ZNF423: variants seen among roughly 807,000 people sequenced by gnomAD.
ZNF423 encodes Ebf-associated zinc finger protein.
Under a neutral mutation model 95.8 loss-of-function variants are expected in ZNF423, and 12 were observed. The observed-to-expected ratio is 0.13, with a 90% CI of 0.08 to 0.20. ZNF423 has a LOEUF of 0.20. Among genes scored for constraint, ZNF423 ranks in the 10% least tolerant of loss-of-function variants. The pLI, the probability that ZNF423 is intolerant of heterozygous loss-of-function variation, is 1.00. For synonymous variants in ZNF423, 749 were observed against 711.9 expected (o/e 1.05, Z -0.83); for missense variants, 1,316 against 1,737.1 (o/e 0.76, Z 4.31).
At chr16:49,799,152 C>A (rs1196381536) in intron 1 of ZNF423, among the ~76,000 whole-genome samples, 1 of 152,134 alleles carries the variant, frequency 6.6e-6, no homozygotes, top group African/African-American at 2.4e-5. Context: ...ACTCGATCCA[C>A]CCTGATCTTC....
chr16:49,734,285 C>A (rs2033235121), intron 2 of ZNF423, among the ~76,000 whole-genome samples: 1 of 152,262 alleles, frequency 6.6e-6, no homozygotes, highest in Admixed American at 6.5e-5. Context: ...GGCCCCTCAA[C>A]TGGTCCCTGT....
chr16:49,648,913 G>A (rs1973284270), intron 3 of ZNF423, among the ~76,000 whole-genome samples: 1 of 152,136 alleles, frequency 6.6e-6, no homozygotes, highest in Admixed American at 6.5e-5. Flanking sequence ...AAAGACAAAA[G>A]TAGAGAAGGG....
chr16:49,619,002 C>T (rs561086429), intron 5 of ZNF423, among the ~76,000 whole-genome samples: 2 of 152,276 alleles, frequency 1.3e-5, no homozygotes, highest in African/African-American at 4.8e-5. Flanking sequence ...TGTTGCAGTA[C>T]TGAATTGTGT....
chr16:49,794,289 G>A (rs551948515), intron 1 of ZNF423, among the ~76,000 whole-genome samples: 1 of 144,744 alleles, frequency 6.9e-6, no homozygotes, highest in African/African-American at 2.6e-5. Context: ...GGCTGGTCTT[G>A]AACTCCTGAC....
chr16:49,542,216 G>T (rs1217859566), intron 5 of ZNF423, among the ~76,000 whole-genome samples: 2 of 152,156 alleles, frequency 1.3e-5, no homozygotes, highest in Admixed American at 1.3e-4. Flanking sequence ...CTGCTTTCTG[G>T]TCCCTGCTGG....
intron 3 of ZNF423, among the ~76,000 whole-genome samples, chr16:49,709,168 T>TTTTA (rs68002485): frequency 4.3e-5 from 4 of 93,420 alleles, no homozygotes; most frequent in African/African-American, 2.0e-4. Flanking sequence ...CAGCAGCCGT[T>TTTTA]TATATATATA....
chr16:49,638,435 G>A lies in ZNF423; in HGVS notation c.741C>T (p.Ser247=), dbSNP rs375898450. The part of the protein sequence containing the change: ...RGFSSTSSLQ[S]HMQAHKKNKE... ...TGTTCTTTTTGTGGGCCTGCATGTG[G>A]CTCTGCAGCGAGCTGGTGGAGGAGA... is the stretch of plus-strand genomic sequence containing the variant. Residue 247 remains serine (S), a synonymous_variant, in exon 4 of 8, where the codon AGC becomes AGT. Coordinates refer to ENST00000563137, the MANE Select transcript of ZNF423 (RefSeq NM_001379286.1). This position sits in a 1 kb window ranked among gnomAD's most constrained non-coding sequence, Gnocchi z 5.6. The A allele has an allele frequency of 9.9e-6, 16 of 1,613,798 alleles. No homozygotes were observed. The African/African-American group carries it at 2.0e-4, about 20-fold the overall frequency.
chr16:49,693,003 A>G (rs993283796), intron 3 of ZNF423, among the ~76,000 whole-genome samples: 8 of 152,254 alleles, frequency 5.3e-5, no homozygotes, highest in Non-Finnish European at 1.0e-4. Flanking sequence ...TGTGAGTTCC[A>G]CAAGGGCAAA....
At chr16:49,700,422 C>T (rs774920947) in intron 3 of ZNF423, among the ~76,000 whole-genome samples, 149 of 152,324 alleles carry the variant, frequency 9.8e-4, no homozygotes, top group Middle Eastern at 3.4e-3. Flanking sequence ...GAGGTCTGCT[C>T]ATGGCCCACA....
intron 1 of ZNF423, among the ~76,000 whole-genome samples, chr16:49,800,180 G>A (rs1170588738): frequency 6.6e-6 from 1 of 151,828 alleles, no homozygotes; most frequent in Non-Finnish European, 1.5e-5. Context: ...GGAGGCAGGG[G>A]TTGCAGTGAG....
intron 1 of ZNF423, chr16:49,826,956 C>T (rs2035011136): frequency 6.6e-6 from 1 of 152,126 alleles, no homozygotes; most frequent in Admixed American, 6.5e-5. Context: ...AGGAGGGTCC[C>T]CGCTGCAACA....
intron 4 of ZNF423, among the ~76,000 whole-genome samples, chr16:49,626,515 G>T (rs1307834222): frequency 6.6e-6 from 1 of 152,042 alleles, no homozygotes; most frequent in African/African-American, 2.4e-5. Flanking sequence ...CTTTAAGGGA[G>T]CTGAGGGGAG....
intron 7 of ZNF423, among the ~76,000 whole-genome samples, chr16:49,495,423 C>CA (rs1967123355): frequency 6.6e-6 from 1 of 152,184 alleles, no homozygotes; most frequent in East Asian, 1.9e-4. Context: ...ACAAAAAGAG[C>CA]CCTCTCTGTG....
intron 5 of ZNF423, among the ~76,000 whole-genome samples, chr16:49,592,488 T>G (rs1393377838): frequency 6.6e-6 from 1 of 152,222 alleles, no homozygotes; most frequent in Non-Finnish European, 1.5e-5. Context: ...CCCAGAGTCT[T>G]CTTAATGCAG....
rs2035064930 is a variant in ZNF423 at position 49,831,911 on chromosome 16, G to T, written c.40+23824C>A. ...AGCTACTGGGGAGGCGGAGGCAGGA[G>T]AATCACTTGAACCAAGGAGGCAGAG... On this transcript the variant is annotated intron_variant, in intron 1 of 7. Coordinates refer to ENST00000563137, the MANE Select transcript of ZNF423 (RefSeq NM_001379286.1). 2.0e-5 allele frequency among the ~76,000 whole-genome samples: 3 copies of T among 151,014 alleles called. No individual in the cohort carries two copies. The South Asian group carries it at 6.3e-4, about 32-fold the overall frequency.
At chr16:49,720,308 C>T (rs2032828627) in intron 3 of ZNF423, among the ~76,000 whole-genome samples, 1 of 152,170 alleles carries the variant, frequency 6.6e-6, no homozygotes, top group African/African-American at 2.4e-5. Context: ...TGTGGCATTC[C>T]CAGAAGCACC....
At chr16:49,650,013 A>G (rs1025628321) in intron 3 of ZNF423, among the ~76,000 whole-genome samples, 2 of 152,232 alleles carry the variant, frequency 1.3e-5, no homozygotes, top group Admixed American at 1.3e-4. Context: ...AGCAAGGAAA[A>G]GTAGGGATCA....
chr16:49,727,836 G>T lies in ZNF423; in HGVS notation c.301+2935C>A, dbSNP rs35092661. Among the ~76,000 whole-genome samples, 363 of 152,332 alleles carry T rather than the reference G, an allele frequency of 2.4e-3. 1 individual carries two copies. Among genetic ancestry groups the T allele is most frequent in the African/African-American group, 6.9e-3 (287 of 41,574 alleles). ...GGTCTGCCCAGCCTGCGCCCAGCGC[G>T]GCCCTCTCGGACACGGTCTCTATTG... On this transcript the variant is annotated intron_variant, in intron 3 of 7. Transcript: ENST00000563137.
intron 2 of ZNF423, among the ~76,000 whole-genome samples, chr16:49,746,272 A>G (rs2033522771): frequency 1.3e-5 from 2 of 152,058 alleles, no homozygotes; most frequent in Non-Finnish European, 2.9e-5. Context: ...CGGGAAGAAA[A>G]TGTGGGACAA....
Sources: allele counts gnomAD v4.1 joint callset (sites outside exome capture counted in the v4.1 genomes callset), GRCh38; gene constraint gnomAD v4.1.1; non-coding constraint Gnocchi (gnomAD v3.1); transcripts MANE v1.5; gene names NCBI Gene and HGNC (gene_info 2026-07-23, HGNC 2026-07-21).